Variants in GHR observed in about 807,000 individuals in gnomAD.
The protein encoded by GHR is GH receptor.
GHR carries 35 observed loss-of-function variants against 67.1 expected under a neutral mutation model. That is an observed-to-expected ratio of 0.52 (90% CI 0.40 to 0.69). The LOEUF (loss-of-function observed/expected upper bound fraction) is 0.69. Ranked by LOEUF, GHR falls within the 30% of genes least tolerant of loss-of-function variation. The pLI, the probability that GHR is intolerant of heterozygous loss-of-function variation, is 0.00. For missense variants in GHR, 792 were observed against 764.6 expected, an observed-to-expected ratio of 1.04 and a Z score of -0.42; for synonymous variants, 272 against 269.1, an observed-to-expected ratio of 1.01 and a Z score of -0.10.
At chr5:42,641,006 A>G (rs1290385284) in intron 3 of GHR, among the ~76,000 whole-genome samples, 1 of 152,144 alleles carries the variant, frequency 6.6e-6, no homozygotes, top group African/African-American at 2.4e-5. Flanking sequence ...AAAGGCAGGC[A>G]CTCAAACAGA....
intron 2 of GHR, among the ~76,000 whole-genome samples, chr5:42,571,837 G>A (rs1248258148): frequency 6.6e-6 from 1 of 152,128 alleles, no homozygotes; most frequent in Non-Finnish European, 1.5e-5. Context: ...TCTTGTTATG[G>A]GGTAGACAGG....
chr5:42,698,816 C>T (rs1235112269), intron 5 of GHR, among the ~76,000 whole-genome samples: 1 of 152,094 alleles, frequency 6.6e-6, no homozygotes, highest in African/African-American at 2.4e-5. Context: ...AAGTGATTTT[C>T]AAAACCCTCA....
chr5:42,447,763 T>TTCTC (rs567460930), intron 1 of GHR, among the ~76,000 whole-genome samples: 66 of 147,432 alleles, frequency 4.5e-4, no homozygotes, highest in African/African-American at 1.6e-3. Flanking sequence ...TTTCTTTTCT[T>TTCTC]TCTCTCTCTC....
At chr5:42,656,070 T>C (rs1473418194) in intron 3 of GHR, among the ~76,000 whole-genome samples, 3 of 152,110 alleles carry the variant, frequency 2.0e-5, no homozygotes, top group Admixed American at 6.5e-5. Context: ...ATCCACAAAA[T>C]CAGTCATACA....
chr5:42,447,655 T>C (rs1430081692), intron 1 of GHR, among the ~76,000 whole-genome samples: 2 of 151,418 alleles, frequency 1.3e-5, no homozygotes, highest in Non-Finnish European at 3.0e-5. Flanking sequence ...CTTCCTTCCT[T>C]CTTTTCTTCT....
intron 1 of GHR, among the ~76,000 whole-genome samples, chr5:42,525,455 G>T (rs762229655): frequency 1.3e-5 from 2 of 152,230 alleles, no homozygotes; most frequent in Admixed American, 6.5e-5. Flanking sequence ...TATCTAGGAA[G>T]TAACTAGCTT....
intron 2 of GHR, among the ~76,000 whole-genome samples, chr5:42,627,488 G>T (rs1003185898): frequency 6.6e-6 from 1 of 152,216 alleles, no homozygotes; most frequent in Non-Finnish European, 1.5e-5. Context: ...CATAACAGGT[G>T]TTAGCAGAAA....
intron 2 of GHR, among the ~76,000 whole-genome samples, chr5:42,626,788 A>G (rs941605924): frequency 1.6e-4 from 24 of 152,172 alleles, no homozygotes; most frequent in Admixed American, 1.2e-3. Flanking sequence ...TCACAATATC[A>G]CCAGTAGTTT....
chr5:42,617,873 T>C (rs1753245337), intron 2 of GHR, among the ~76,000 whole-genome samples: 1 of 152,160 alleles, frequency 6.6e-6, no homozygotes, highest in African/African-American at 2.4e-5. Context: ...TTCTAGACTT[T>C]TAAGGCATTG....
intron 1 of GHR, among the ~76,000 whole-genome samples, chr5:42,490,050 G>C (rs113894728): frequency 6.6e-6 from 1 of 152,292 alleles, no homozygotes; most frequent in African/African-American, 2.4e-5. Context: ...GCAAGTATTT[G>C]CACCTAACCA....
intron 2 of GHR, among the ~76,000 whole-genome samples, chr5:42,617,661 T>A (rs997984648): frequency 2.6e-5 from 4 of 151,966 alleles, no homozygotes; most frequent in African/African-American, 9.7e-5. Context: ...AGGGAATACT[T>A]AAAGCCATAC....
chr5:42,583,153 G>A (rs1339610540), intron 2 of GHR, among the ~76,000 whole-genome samples: 1 of 152,208 alleles, frequency 6.6e-6, no homozygotes, highest in Non-Finnish European at 1.5e-5. Context: ...ACAGAATGAT[G>A]CTCTGGAGTG....
intron 2 of GHR, among the ~76,000 whole-genome samples, chr5:42,596,983 A>T (rs1323324344): frequency 6.6e-6 from 1 of 152,162 alleles, no homozygotes; most frequent in African/African-American, 2.4e-5. Flanking sequence ...GACACAGTGG[A>T]GGATGTTTAG....
intron 3 of GHR, 108 bp from the exon 4 acceptor site, chr5:42,688,782 C>A: frequency 9.8e-7 from 1 of 1,019,198 alleles, no homozygotes; most frequent in Non-Finnish European, 1.6e-6. Flanking sequence ...ACACGGAATA[C>A]ACTGGCTTCA....
At chr5:42,457,344 A>G (rs916824758) in intron 1 of GHR, among the ~76,000 whole-genome samples, 5 of 152,184 alleles carry the variant, frequency 3.3e-5, no homozygotes, top group African/African-American at 4.8e-5. Flanking sequence ...GCCTTGTTAA[A>G]TTTTAAAAAG....
intron 2 of GHR, among the ~76,000 whole-genome samples, chr5:42,600,520 G>A (rs1434559045): frequency 6.6e-6 from 1 of 152,220 alleles, no homozygotes; most frequent in Non-Finnish European, 1.5e-5. Context: ...CCCTGCTACT[G>A]AGGCAATCCC....
chr5:42,553,906 C>T (rs574040072), intron 1 of GHR, among the ~76,000 whole-genome samples: 46 of 152,192 alleles, frequency 3.0e-4, no homozygotes, highest in African/African-American at 1.1e-3. Flanking sequence ...TGACATAGAT[C>T]CATAAATCAT....
At chr5:42,627,328 G>A (rs1753752911) in intron 2 of GHR, among the ~76,000 whole-genome samples, 1 of 152,148 alleles carries the variant, frequency 6.6e-6, no homozygotes, top group Non-Finnish European at 1.5e-5. Flanking sequence ...TCCCTACTGT[G>A]TCTAGGCGTG....
intron 3 of GHR, among the ~76,000 whole-genome samples, chr5:42,661,095 G>A (rs546967042): frequency 2.1e-4 from 32 of 152,304 alleles, no homozygotes; most frequent in Admixed American, 4.6e-4. Context: ...CAAGAAATAT[G>A]GGACTATGTG....
Sources: gnomAD v4.1 joint callset for allele counts (sites outside exome capture counted in the v4.1 genomes callset) on GRCh38, gnomAD v4.1.1 for gene constraint, MANE v1.5 for transcripts, NCBI Gene and HGNC (gene_info 2026-07-23, HGNC 2026-07-21) for gene names.